DMXL1: variants seen among roughly 807,000 people sequenced by gnomAD.
DMXL1 encodes Dmx like 1.
DMXL1 carries 99 observed loss-of-function variants against 319.2 expected under a neutral mutation model. The ratio of observed to expected loss-of-function variants is 0.31; its 90% confidence interval spans 0.26 to 0.37. The LOEUF is 0.37. Among genes scored for constraint, DMXL1 ranks in the 10% least tolerant of loss-of-function variants. The pLI is 1.00. For missense variants in DMXL1, 3,745 were observed against 3,595.6 expected (o/e 1.04, Z -1.06); for synonymous variants, 1,385 against 1,235.2 (o/e 1.12, Z -2.54).
intron 29 of DMXL1, among the ~76,000 whole-genome samples, chr5:119,193,322 T>C (rs544240625): frequency 1.4e-4 from 22 of 152,268 alleles, no homozygotes; most frequent in African/African-American, 4.8e-4. Context: ...CCAAACTCTT[T>C]CCCAAACTCT....
At chr5:119,124,613 T>A (rs1294700339) in intron 9 of DMXL1, among the ~76,000 whole-genome samples, 3 of 146,542 alleles carry the variant, frequency 2.0e-5, no homozygotes, top group Non-Finnish European at 4.5e-5. Context: ...GTCGCCAAGC[T>A]GGAGTGCAGT....
At chr5:119,115,033 T>A (rs1215320363) in intron 6 of DMXL1, among the ~76,000 whole-genome samples, 1 of 152,340 alleles carries the variant, frequency 6.6e-6, no homozygotes, top group East Asian at 1.9e-4. Flanking sequence ...TGTGATATAA[T>A]TGAAATTACA....
At chr5:119,190,691 G>A (rs1778559457) in intron 29 of DMXL1, among the ~76,000 whole-genome samples, 1 of 152,208 alleles carries the variant, frequency 6.6e-6, no homozygotes. Flanking sequence ...CTGTGGGTAT[G>A]TTGACAGTGC....
At chr5:119,134,200 A>G in intron 12 of DMXL1, 22 bp downstream of exon 12, 1 of 1,606,720 alleles carries the variant, frequency 6.2e-7, no homozygotes, top group Non-Finnish European at 8.5e-7. Context: ...GGTTTTTATT[A>G]CAGTAATTTA....
chr5:119,155,387 A>G (rs1770786356), intron 19 of DMXL1, among the ~76,000 whole-genome samples: 1 of 152,202 alleles, frequency 6.6e-6, no homozygotes, highest in Non-Finnish European at 1.5e-5. Flanking sequence ...CAACATTAAC[A>G]AGAGTTTGGA....
chr5:119,119,567 A>G (rs1293150837), intron 8 of DMXL1, among the ~76,000 whole-genome samples: 2 of 147,794 alleles, frequency 1.4e-5, no homozygotes, highest in African/African-American at 2.5e-5. Context: ...ACAGATTCTC[A>G]CTCTGTCAAC....
intron 25 of DMXL1, among the ~76,000 whole-genome samples, chr5:119,173,167 T>G (rs1321083680): frequency 6.6e-6 from 1 of 151,850 alleles, no homozygotes; most frequent in East Asian, 1.9e-4. Context: ...GGAGAAACCT[T>G]GTCTCTACTA....
At chr5:119,245,537 G>A (rs1161501484) in intron 43 of DMXL1, among the ~76,000 whole-genome samples, 2 of 150,212 alleles carry the variant, frequency 1.3e-5, no homozygotes, top group African/African-American at 2.4e-5. Flanking sequence ...TAGTTAAGTC[G>A]GTTCTTTTTT....
intron 1 of DMXL1, among the ~76,000 whole-genome samples, chr5:119,089,449 G>A (rs1443118828): frequency 6.7e-6 from 1 of 148,850 alleles, no homozygotes; most frequent in African/African-American, 2.5e-5. Flanking sequence ...GGAATTACAG[G>A]CGCGCACCAC....
intron 13 of DMXL1, among the ~76,000 whole-genome samples, chr5:119,141,714 A>G (rs559033524): frequency 5.3e-5 from 8 of 152,288 alleles, no homozygotes; most frequent in Admixed American, 1.3e-4. Flanking sequence ...ATTCAATGCT[A>G]TTCCTATCAA....
At chr5:119,122,891 C>A (rs1285149571) in intron 9 of DMXL1, among the ~76,000 whole-genome samples, 1 of 150,880 alleles carries the variant, frequency 6.6e-6, no homozygotes, top group African/African-American at 2.4e-5. Context: ...TCCTTACTTC[C>A]CAGATGGGGT....
At chr5:119,155,558 G>A (rs1469627713) in intron 19 of DMXL1, among the ~76,000 whole-genome samples, 3 of 152,116 alleles carry the variant, frequency 2.0e-5, no homozygotes, top group Non-Finnish European at 4.4e-5. Context: ...CTTCAGCAGA[G>A]CCAGGCACGA....
In DMXL1 at chr5:119,177,377, T is replaced by G; in HGVS notation, c.6779T>G (p.Phe2260Cys). 2 of 1,564,090 alleles carry G rather than the reference T, an allele frequency of 1.3e-6. No individual in the cohort carries two copies. Among genetic ancestry groups the G allele is most frequent in the Non-Finnish European group, 1.7e-6 (2 of 1,157,040 alleles). ...CTTAGTTCATTTCAGACGAATCAGT[T>G]TACTGGAATGGTATATCAGACAGTA... The part of the protein sequence containing the change: ...HNYSSFQTNQ[F>C]TGMVYQTVLL... The change falls in exon 27 of 44, where the codon TTT becomes TGT. Residue 2260 changes from phenylalanine (F) to cysteine (C), a missense_variant. Physicochemically the swap from Phe to Cys is radical, Grantham distance 205. Transcript: ENST00000539542.
chr5:119,201,683 C>A (rs187839192), intron 32 of DMXL1, among the ~76,000 whole-genome samples: 1 of 152,036 alleles, frequency 6.6e-6, no homozygotes, highest in Non-Finnish European at 1.5e-5. Context: ...AATTTGGCTG[C>A]GAATCCATCT....
intron 9 of DMXL1, among the ~76,000 whole-genome samples, chr5:119,123,201 G>T (rs936235177): frequency 6.6e-6 from 1 of 151,942 alleles, no homozygotes; most frequent in African/African-American, 2.4e-5. Context: ...CACTCGGCAG[G>T]CTGAGGCAGG....
chr5:119,213,186 T>G (rs1356428745), intron 34 of DMXL1, among the ~76,000 whole-genome samples: 1 of 152,230 alleles, frequency 6.6e-6, no homozygotes. Context: ...TCCTGAAACT[T>G]CCAGTATTTG....
In DMXL1 at chr5:119,197,965, T is replaced by G. The variant is rs367773413; in HGVS notation, c.7745+9T>G. ...ACAAACACTCCTTTCAAGTAGGTTT[T>G]CTTATGAATGCTATTTGGGTTTTTT... is the stretch of plus-strand genomic sequence containing the variant. On this transcript the variant is annotated intron_variant, in intron 32 of 43. Coordinates refer to ENST00000539542, the MANE Select transcript of DMXL1 (RefSeq NM_001290321.3). The G allele has an allele frequency of 1.4e-4, 220 of 1,613,636 alleles. No individual in the cohort carries two copies. The highest frequency in any genetic ancestry group is 1.2e-3 in the African/African-American group (89 of 75,026).
intron 3 of DMXL1, 126 bp from the exon 4 acceptor site, chr5:119,105,054 C>G (rs1380570152): frequency 1.6e-6 from 1 of 634,744 alleles, no homozygotes; most frequent in East Asian, 2.8e-5. Flanking sequence ...GTTGACTGAA[C>G]TGAACATTTT....
chr5:119,087,447 G>C (rs964798954), intron 1 of DMXL1, among the ~76,000 whole-genome samples: 1 of 152,022 alleles, frequency 6.6e-6, no homozygotes, highest in Admixed American at 6.6e-5. Flanking sequence ...GGTCATTCAG[G>C]AGCATATTTG....
Sources: gnomAD v4.1 joint callset for allele counts (sites outside exome capture counted in the v4.1 genomes callset) on GRCh38, gnomAD v4.1.1 for gene constraint, MANE v1.5 for transcripts, NCBI Gene and HGNC (gene_info 2026-07-23, HGNC 2026-07-21) for gene names.